Variants in SBNO2 observed in about 807,000 individuals in gnomAD.
SBNO2 encodes the protein strawberry notch homolog 2, also known as protein strawberry notch homolog 2.
SBNO2 carries 89 observed loss-of-function variants against 146.3 expected under a neutral mutation model. The ratio of observed to expected loss-of-function variants is 0.61; its 90% confidence interval spans 0.51 to 0.73. The LOEUF is 0.73. Among genes scored for constraint, SBNO2 ranks in the 30% least tolerant of loss-of-function variants. SBNO2 has a pLI of 0.00. For synonymous variants in SBNO2, 1,147 were observed against 892.6 expected, an observed-to-expected ratio of 1.29 and a Z score of -5.08; for missense variants, 2,092 against 2,003.7, an observed-to-expected ratio of 1.04 and a Z score of -0.84.
At chr19:1,125,384 G>T (rs1207723838) in intron 5 of SBNO2, among the ~76,000 whole-genome samples, 2 of 147,110 alleles carry the variant, frequency 1.4e-5, no homozygotes, top group African/African-American at 5.1e-5. Flanking sequence ...AAAAAAGTGA[G>T]CGTGGGCCGG....
intron 17 of SBNO2, among the ~76,000 whole-genome samples, 174 bp from the exon 18 acceptor site, chr19:1,114,596 ACCCCGTG>A (rs1185093245): frequency 6.6e-6 from 1 of 151,826 alleles, no homozygotes; most frequent in Non-Finnish European, 1.5e-5. Flanking sequence ...CCTCTAGGGA[ACCCCGTG>A]CCCTGTGGCC....
At chr19:1,139,664 G>A (rs868345403) in intron 4 of SBNO2, among the ~76,000 whole-genome samples, 6 of 149,810 alleles carry the variant, frequency 4.0e-5, no homozygotes, top group Non-Finnish European at 7.4e-5. Context: ...GCGCGGTGGC[G>A]CACACCTGTA....
Position 1,116,013 on chromosome 19 carries a change from G to A in SBNO2, c.1885+8C>T, listed in dbSNP as rs762049753. On this transcript the variant is annotated splice_region_variant and intron_variant, in intron 17 of 31. Coordinates refer to ENST00000361757, the MANE Select transcript of SBNO2 (RefSeq NM_014963.3). ...GGGGTGGGTGGGGCCATGGGGGGCA[G>A]GGCTTACGTTTCCGCTTGCTGCCCG... is the stretch of plus-strand genomic sequence containing the variant. 1.2e-6 allele frequency: 2 copies of A among 1,607,512 alleles called. No individual in the cohort carries two copies. The highest frequency in any genetic ancestry group is 2.7e-5 in the African/African-American group (2 of 74,694).
chr19:1,145,941 C>T (rs924106951), intron 4 of SBNO2, among the ~76,000 whole-genome samples: 2 of 152,148 alleles, frequency 1.3e-5, no homozygotes, highest in Non-Finnish European at 2.9e-5. Flanking sequence ...GGAATCCACC[C>T]TCTTCCCGTC....
Position 1,109,307 on chromosome 19 carries a change from G to T in SBNO2, c.3333C>A (p.Arg1111=), listed in dbSNP as rs746941279. The change falls in exon 29 of 32, where the codon CGC becomes CGA. Residue 1111 remains arginine (R), a synonymous_variant. Transcript: ENST00000361757. The surrounding 1 kb of genome is among the most constrained non-coding windows in gnomAD (Gnocchi z 4.2). ...GGCCGCCTACCCGGTGGAACTTGCG[G>T]CGGAGGCTGTCCAGGGCCTCCAGCT... ...QSQLEALDSL[R]RKFHRVTAEE... 3.8e-6 allele frequency: 6 copies of T among 1,596,946 alleles called. No homozygotes were observed. In the South Asian group the frequency reaches 6.7e-5, roughly 18 times the overall value.
At chr19:1,113,927 A>C (rs2079799518) in intron 18 of SBNO2, among the ~76,000 whole-genome samples, 1 of 152,074 alleles carries the variant, frequency 6.6e-6, no homozygotes, top group Non-Finnish European at 1.5e-5. Flanking sequence ...CGGACCAAAC[A>C]CTGTGACCTC....
At chr19:1,115,926 CGGGGGAGTGGGG>C (rs1467456293) in intron 17 of SBNO2, 83 bp downstream of exon 17, 2 of 752,080 alleles carry the variant, frequency 2.7e-6, no homozygotes, top group Non-Finnish European at 3.8e-6. Flanking sequence ...GCTGAGTGGA[CGGGGGAGTGGGG>C]GAAGCAGGGA....
In SBNO2 at chr19:1,140,299, CAAAAAAA is replaced by C. The variant is rs540196785; in HGVS notation, c.279+7003_279+7009del. Among the ~76,000 whole-genome samples the C allele has an allele frequency of 9.5e-6, 1 of 105,078 alleles. No individual in the cohort carries two copies. The highest frequency in any genetic ancestry group is 2.0e-5 in the Non-Finnish European group (1 of 49,942). 68.9% of individuals were successfully genotyped at this position (105,078 alleles called of 152,430 possible). A position where few individuals can be genotyped will look rare whatever the true frequency, so the allele number is the denominator to read the frequency against. On this transcript the variant is annotated intron_variant, in intron 4 of 31. Transcript: ENST00000361757. The surrounding 1 kb of genome is among the most constrained non-coding windows in gnomAD (Gnocchi z 4.4). ...TGGGCGACAGAGCGAGATTTCATCTCAAAAAAAAAAAAAAAGCAGCAGCAACACAGAG... is the reference window on the plus strand; with the variant it reads ...TGGGCGACAGAGCGAGATTTCATCTCAAAAAAAAGCAGCAGCAACACAGAG...
At chr19:1,141,390 T>C (rs2080135895) in intron 4 of SBNO2, among the ~76,000 whole-genome samples, 1 of 152,086 alleles carries the variant, frequency 6.6e-6, no homozygotes, top group Non-Finnish European at 1.5e-5. Flanking sequence ...AATTTTTGTA[T>C]TTGTAGTAGA....
chr19:1,127,721 G>A lies in SBNO2; in HGVS notation c.324C>T (p.Ser108=), dbSNP rs2074916. The change falls in exon 5 of 32, where the codon TCC becomes TCT. Residue 108 remains serine (S), a synonymous_variant. Transcript: ENST00000361757. ...FEDFSNISIF[S]SSVDSLSDIV... ...TGTCCGACAGGGAGTCCACGGACGAGGAGAAGATGGAGATGTTGGAGAAGT... is the reference window on the plus strand; with the variant it reads ...TGTCCGACAGGGAGTCCACGGACGAAGAGAAGATGGAGATGTTGGAGAAGT... 338,687 of 1,613,184 alleles carry A rather than the reference G, an allele frequency of 0.21. 37,741 individuals are homozygous for A. The highest frequency in any genetic ancestry group is 0.31 in the Admixed American group (18,600 of 59,982).
chr19:1,120,102 C>A (rs2074922), intron 11 of SBNO2, 79 bp from the exon 12 acceptor site: 6 of 1,132,936 alleles, frequency 5.3e-6, no homozygotes, highest in South Asian at 1.3e-5. Context: ...ACCCAAGACC[C>A]CACCTTCCTG....
At chr19:1,114,825 G>A (rs2079812294) in intron 17 of SBNO2, among the ~76,000 whole-genome samples, 1 of 151,814 alleles carries the variant, frequency 6.6e-6, no homozygotes, top group East Asian at 1.9e-4. Flanking sequence ...AGTAGAGATG[G>A]GGTTTCACCA....
intron 5 of SBNO2, among the ~76,000 whole-genome samples, chr19:1,125,358 C>CAAAA (rs35572800): frequency 7.5e-5 from 4 of 53,152 alleles, no homozygotes; most frequent in African/African-American, 1.5e-4. Flanking sequence ...GACTCCATCT[C>CAAAA]AAAAAAAAAA....
At position 1,109,725 on chromosome 19, in the gene SBNO2, C is replaced by A; in HGVS notation, c.3081G>T (p.Leu1027=). The change falls in exon 27 of 32, where the codon CTG becomes CTT. Residue 1027 remains leucine (L), a synonymous_variant. Transcript: ENST00000361757. This position sits in a 1 kb window ranked among gnomAD's most constrained non-coding sequence, Gnocchi z 4.2. The part of the protein sequence containing the change: ...EIYEESQQVF[L]APGHPQDGQV... ...GCCCGTCCTGCGGGTGCCCGGGAGCCAGGAACACCTGCTGGCTCTCCTCGT... is the reference window on the plus strand; with the variant it reads ...GCCCGTCCTGCGGGTGCCCGGGAGCAAGGAACACCTGCTGGCTCTCCTCGT... 6.2e-7 allele frequency: 1 copy of A among 1,606,848 alleles called. No homozygotes were observed. Among genetic ancestry groups the A allele is most frequent in the East Asian group, 2.2e-5 (1 of 44,690 alleles).
At chr19:1,170,624 A>G (rs1032268663) in intron 1 of SBNO2, among the ~76,000 whole-genome samples, 2 of 152,110 alleles carry the variant, frequency 1.3e-5, no homozygotes, top group African/African-American at 4.8e-5. Context: ...TCACACACAC[A>G]TGCACACAGG....
intron 1 of SBNO2, among the ~76,000 whole-genome samples, chr19:1,162,342 C>A (rs1236690840): frequency 1.3e-5 from 2 of 149,260 alleles, no homozygotes; most frequent in Non-Finnish European, 3.0e-5. Flanking sequence ...TGCCTGTAGT[C>A]CCAGCTACTC....
chr19:1,138,625 C>T (rs1002089301), intron 4 of SBNO2, among the ~76,000 whole-genome samples: 2 of 152,064 alleles, frequency 1.3e-5, no homozygotes, highest in African/African-American at 4.8e-5. Context: ...GCGTCCATCA[C>T]GGACACACAG....
In SBNO2 at chr19:1,108,760, G is replaced by A. The variant is rs2079709991; in HGVS notation, c.3616+19C>T. The stretch of plus-strand genomic sequence containing the variant: ...CGCTGGGGGCTCGGGCCTTCCCGGG[G>A]CGCCCGCCGCCCACTCACCCACTTG... On this transcript the variant is annotated intron_variant, in intron 31 of 31. Transcript: ENST00000361757. 3 of 1,595,392 alleles carry A rather than the reference G, an allele frequency of 1.9e-6. No individual in the cohort carries two copies. The highest frequency in any genetic ancestry group is 2.5e-6 in the Non-Finnish European group (3 of 1,176,816).
At chr19:1,111,896 T>C (rs11881821) in intron 23 of SBNO2, 100 bp downstream of exon 23, 299,379 of 1,110,906 alleles carry the variant, frequency 0.27, 46,271 homozygotes, top group African/African-American at 0.55. Flanking sequence ...AGCCCCACGT[T>C]CTCCAGCCCC....
Sources: allele counts gnomAD v4.1 joint callset (sites outside exome capture counted in the v4.1 genomes callset), GRCh38; gene constraint gnomAD v4.1.1; non-coding constraint Gnocchi (gnomAD v3.1); transcripts MANE v1.5; gene names NCBI Gene and HGNC (gene_info 2026-07-23, HGNC 2026-07-21).